NRG3: variants seen among roughly 807,000 people sequenced by gnomAD.
NRG3 encodes the protein neuregulin 3, also known as pro-neuregulin-3, membrane-bound isoform.
Under a neutral mutation model 66.9 loss-of-function variants are expected in NRG3, and 31 were observed. That is an observed-to-expected ratio of 0.46 (90% CI 0.35 to 0.63). NRG3 has a LOEUF of 0.63. Among genes scored for constraint, NRG3 ranks in the 20% least tolerant of loss-of-function variants. NRG3 has a pLI of 0.00. For synonymous variants in NRG3, 393 were observed against 359.4 expected, an observed-to-expected ratio of 1.09 and a Z score of -1.06; for missense variants, 910 against 878.9, an observed-to-expected ratio of 1.04 and a Z score of -0.45.
intron 2 of NRG3, among the ~76,000 whole-genome samples, chr10:82,526,269 A>G (rs888336905): frequency 6.6e-6 from 1 of 151,876 alleles, no homozygotes; most frequent in Non-Finnish European, 1.5e-5. Context: ...TATACACAAT[A>G]AAATTTATTT....
At chr10:82,845,200 G>A (rs2063250033) in intron 3 of NRG3, among the ~76,000 whole-genome samples, 1 of 152,176 alleles carries the variant, frequency 6.6e-6, no homozygotes, top group South Asian at 2.1e-4. Context: ...AGTATTACAT[G>A]CTTGTTTTGA....
chr10:82,823,462 C>G (rs2062042777), intron 3 of NRG3, among the ~76,000 whole-genome samples: 1 of 152,122 alleles, frequency 6.6e-6, no homozygotes, highest in African/African-American at 2.4e-5. Flanking sequence ...TGACAGTGAA[C>G]CTATCAGACT....
intron 3 of NRG3, among the ~76,000 whole-genome samples, chr10:82,815,154 T>G (rs991541169): frequency 1.3e-5 from 2 of 152,184 alleles, no homozygotes; most frequent in Non-Finnish European, 2.9e-5. Flanking sequence ...TAGGAAATAA[T>G]TTTTTAAAAT....
intron 8 of NRG3, among the ~76,000 whole-genome samples, chr10:82,984,168 G>T (rs1853207517): frequency 6.6e-6 from 1 of 152,156 alleles, no homozygotes; most frequent in Non-Finnish European, 1.5e-5. Flanking sequence ...TACTGTTCAA[G>T]TTCCAAAACC....
At chr10:82,960,463 ATTTT>A (rs34802482) in intron 6 of NRG3, among the ~76,000 whole-genome samples, 89 of 137,324 alleles carry the variant, frequency 6.5e-4, no homozygotes, top group African/African-American at 1.8e-3. Context: ...AAATGGCTGG[ATTTT>A]TTTTTTTTTT....
intron 1 of NRG3, among the ~76,000 whole-genome samples, chr10:82,237,586 A>G (rs1418401083): frequency 1.3e-5 from 2 of 151,202 alleles, no homozygotes; most frequent in African/African-American, 4.9e-5. Context: ...TTTTTGCTAT[A>G]TAGTAGTGCT....
At chr10:81,981,164 C>T (rs2060319603) in intron 1 of NRG3, among the ~76,000 whole-genome samples, 1 of 152,124 alleles carries the variant, frequency 6.6e-6, no homozygotes, top group African/African-American at 2.4e-5. Flanking sequence ...TTCCAAAACT[C>T]ATGTAAATAT....
intron 4 of NRG3, among the ~76,000 whole-genome samples, chr10:82,934,291 T>A (rs1445414390): frequency 2.0e-5 from 3 of 152,216 alleles, no homozygotes; most frequent in African/African-American, 7.2e-5. Context: ...TTAAATACTC[T>A]ACATACTTTT....
chr10:82,122,257 G>C (rs997902327), intron 1 of NRG3, among the ~76,000 whole-genome samples: 1 of 152,112 alleles, frequency 6.6e-6, no homozygotes. Context: ...CTTTTTGCAT[G>C]GGTAGGGCAC....
chr10:82,512,054 AATTTTCTGGTAT>A (rs1845225772), intron 2 of NRG3, among the ~76,000 whole-genome samples: 2 of 152,032 alleles, frequency 1.3e-5, no homozygotes, highest in African/African-American at 4.8e-5. Flanking sequence ...TATCGAAGAT[AATTTTCTGGTAT>A]ATTTTCTGAT....
At chr10:82,089,640 G>A (rs2065917924) in intron 1 of NRG3, among the ~76,000 whole-genome samples, 1 of 152,160 alleles carries the variant, frequency 6.6e-6, no homozygotes, top group Non-Finnish European at 1.5e-5. Context: ...TAATAAACGA[G>A]TTGAATATTT....
At chr10:82,754,983 T>G (rs1304897148) in intron 3 of NRG3, among the ~76,000 whole-genome samples, 2 of 152,138 alleles carry the variant, frequency 1.3e-5, no homozygotes, top group Non-Finnish European at 2.9e-5. Context: ...AGATGAAAGA[T>G]GCTGAACACT....
At chr10:82,682,112 G>A (rs534063534) in intron 2 of NRG3, among the ~76,000 whole-genome samples, 1 of 152,302 alleles carries the variant, frequency 6.6e-6, no homozygotes, top group African/African-American at 2.4e-5. Flanking sequence ...GAGAATAAAA[G>A]GTTCAGAAAG....
At chr10:81,908,935 G>A (rs1844849128) in intron 1 of NRG3, among the ~76,000 whole-genome samples, 1 of 152,190 alleles carries the variant, frequency 6.6e-6, no homozygotes, top group South Asian at 2.1e-4. Flanking sequence ...TGGTGGAGGT[G>A]ATGGGAGTTG....
chr10:82,353,916 C>T (rs941697178), intron 1 of NRG3, among the ~76,000 whole-genome samples: 1 of 151,926 alleles, frequency 6.6e-6, no homozygotes. Context: ...TAATGAAATT[C>T]CATGCTCTTT....
chr10:82,375,879 A>G (rs147199544), intron 2 of NRG3, among the ~76,000 whole-genome samples: 1,773 of 152,346 alleles, frequency 0.012, 25 homozygotes, highest in African/African-American at 0.039. Context: ...CATTTGTATC[A>G]AAGAAAAGTG....
chr10:82,970,575 C>T (rs1168841102), intron 6 of NRG3, among the ~76,000 whole-genome samples: 4 of 152,052 alleles, frequency 2.6e-5, no homozygotes, highest in African/African-American at 4.8e-5. Flanking sequence ...TCACCTGTTG[C>T]CTTTCATTTT....
chr10:82,739,686 T>G lies in NRG3; in HGVS notation c.1027+1036T>G, dbSNP rs1284939890. On this transcript the variant is annotated intron_variant, in intron 3 of 8. Coordinates refer to ENST00000372141, the MANE Select transcript of NRG3 (RefSeq NM_001010848.4). ...GAAAAAGGTTTTGTTTAATTTAATTTAATTCTATTTTATCTTGACGAAGCA... is the reference window on the plus strand; with the variant it reads ...GAAAAAGGTTTTGTTTAATTTAATTGAATTCTATTTTATCTTGACGAAGCA... Among the ~76,000 whole-genome samples, 3 of 152,218 alleles carry G rather than the reference T, an allele frequency of 2.0e-5. No homozygotes were observed. The East Asian group carries it at 5.8e-4, about 29-fold the overall frequency.
At chr10:82,685,143 C>T (rs552050394) in intron 2 of NRG3, among the ~76,000 whole-genome samples, 6 of 151,992 alleles carry the variant, frequency 3.9e-5, no homozygotes, top group Non-Finnish European at 5.9e-5. Flanking sequence ...AGAGGCCCCC[C>T]CCAAAACTTA....
Sources: allele counts gnomAD v4.1 joint callset (sites outside exome capture counted in the v4.1 genomes callset), GRCh38; gene constraint gnomAD v4.1.1; transcripts MANE v1.5; gene names NCBI Gene and HGNC (gene_info 2026-07-23, HGNC 2026-07-21).